CYP39A1: variants seen among roughly 807,000 people sequenced by gnomAD.
CYP39A1 encodes 24-hydroxycholesterol 7-alpha-hydroxylase.
Under a neutral mutation model 58.1 loss-of-function variants are expected in CYP39A1, and 49 were observed. That is an observed-to-expected ratio of 0.84 (90% CI 0.67 to 1.07). The LOEUF (loss-of-function observed/expected upper bound fraction) is 1.07, where lower values mean the gene tolerates loss of function less well. Ranked by LOEUF, CYP39A1 falls within the 50% of genes least tolerant of loss-of-function variation. CYP39A1 has a pLI of 0.00. For missense variants in CYP39A1, 531 were observed against 539.4 expected (o/e 0.98, Z 0.16); for synonymous variants, 209 against 187.6 (o/e 1.11, Z -0.93).
chr6:46,615,670 G>T (rs1774489462), intron 7 of CYP39A1, among the ~76,000 whole-genome samples: 1 of 151,458 alleles, frequency 6.6e-6, no homozygotes, highest in Admixed American at 6.6e-5. Context: ...GCTTTTTCCT[G>T]AATCTCTTCT....
At chr6:46,561,315 C>A (rs1260831192) in intron 10 of CYP39A1, among the ~76,000 whole-genome samples, 3 of 152,084 alleles carry the variant, frequency 2.0e-5, no homozygotes, top group African/African-American at 7.2e-5. Flanking sequence ...TGATTTCCAA[C>A]TTCTCTGAGT....
chr6:46,601,427 C>CTA lies in CYP39A1; in HGVS notation c.932-5308_932-5307insTA, dbSNP rs578069306. On this transcript the variant is annotated intron_variant, in intron 7 of 11. Transcript: ENST00000275016. ...GCTTCAATACCATTTAGAATTAAATCCAACATTCTCACTTTGGCAAATAAA... is the reference window on the plus strand; with the variant it reads ...GCTTCAATACCATTTAGAATTAAATCTACAACATTCTCACTTTGGCAAATAAA... Among the ~76,000 whole-genome samples the CTA allele has an allele frequency of 2.0e-3, 299 of 152,220 alleles. 1 individual carries two copies. Among genetic ancestry groups the CTA allele is most frequent in the African/African-American group, 7.1e-3 (293 of 41,538 alleles).
intron 8 of CYP39A1, among the ~76,000 whole-genome samples, chr6:46,589,690 C>A (rs1482541443): frequency 6.6e-6 from 1 of 152,006 alleles, no homozygotes; most frequent in South Asian, 2.1e-4. Flanking sequence ...TGTGAGATCC[C>A]AATCCTGTCT....
rs535536921 is a variant in CYP39A1 at position 46,607,058 on chromosome 6, A to G, written c.932-10938T>C. ...TGTTCAAGGAGACAAGCTTGAAAGT[A>G]TCAGAGCAGCCTTCAAACCTATGTC... On this transcript the variant is annotated intron_variant, in intron 7 of 11. Coordinates refer to ENST00000275016, the MANE Select transcript of CYP39A1 (RefSeq NM_016593.5). Among the ~76,000 whole-genome samples, 76 of 152,338 alleles carry G rather than the reference A, an allele frequency of 5.0e-4. 1 individual carries two copies. Among genetic ancestry groups the G allele is most frequent in the African/African-American group, 1.8e-3 (75 of 41,580 alleles).
At chr6:46,558,276 T>G (rs1378185752) in intron 10 of CYP39A1, among the ~76,000 whole-genome samples, 2 of 152,142 alleles carry the variant, frequency 1.3e-5, no homozygotes, top group Non-Finnish European at 2.9e-5. Flanking sequence ...GAGGTTTAAT[T>G]GACTCACAGT....
At chr6:46,649,715 C>A (rs1762546635) in intron 1 of CYP39A1, among the ~76,000 whole-genome samples, 1 of 151,954 alleles carries the variant, frequency 6.6e-6, no homozygotes, top group South Asian at 2.1e-4. Context: ...ATTACAGTTG[C>A]CAAGGTTGGG....
chr6:46,649,729 G>A (rs1334194942), intron 1 of CYP39A1, among the ~76,000 whole-genome samples: 1 of 152,208 alleles, frequency 6.6e-6, no homozygotes, highest in Non-Finnish European at 1.5e-5. Flanking sequence ...GGTTGGGAGT[G>A]AGGAGTGAGA....
At chr6:46,642,575 T>G (rs1776409330) in intron 1 of CYP39A1, among the ~76,000 whole-genome samples, 1 of 152,174 alleles carries the variant, frequency 6.6e-6, no homozygotes, top group Non-Finnish European at 1.5e-5. Context: ...ATAATAATTA[T>G]AAATAATTAG....
rs72868064 is a variant in CYP39A1 at position 46,585,932 on chromosome 6, C to T, written c.1250+1145G>A. Among the ~76,000 whole-genome samples the T allele has an allele frequency of 4.3e-3, 648 of 152,110 alleles. 2 individuals are homozygous for T. The highest frequency in any genetic ancestry group is 7.0e-3 in the Non-Finnish European group (479 of 67,988). On this transcript the variant is annotated intron_variant, in intron 10 of 11. Coordinates refer to ENST00000275016, the MANE Select transcript of CYP39A1 (RefSeq NM_016593.5). ...TTCATATCCAATGGGACAGGATGAACGGGGCCTCATCCTGAAGAAGTCTCT... is the reference window on the plus strand; with the variant it reads ...TTCATATCCAATGGGACAGGATGAATGGGGCCTCATCCTGAAGAAGTCTCT...
intron 10 of CYP39A1, among the ~76,000 whole-genome samples, chr6:46,566,718 T>A (rs1463436831): frequency 6.6e-6 from 1 of 152,086 alleles, no homozygotes; most frequent in African/African-American, 2.4e-5. Context: ...TTTAAGTACT[T>A]GCAAAATAGA....
chr6:46,608,602 GTTTTA>G (rs1051037776), intron 7 of CYP39A1, among the ~76,000 whole-genome samples: 13 of 151,716 alleles, frequency 8.6e-5, no homozygotes, highest in African/African-American at 2.9e-4. Context: ...TTCACAATAG[GTTTTA>G]TTTTATTTAT....
At chr6:46,613,704 GTTT>G (rs544125145) in intron 7 of CYP39A1, among the ~76,000 whole-genome samples, 1 of 143,144 alleles carries the variant, frequency 7.0e-6, no homozygotes, top group Non-Finnish European at 1.5e-5. Context: ...TTATTTGTTT[GTTT>G]TTTTTTTTAG....
At chr6:46,601,136 T>C (rs1351020353) in intron 7 of CYP39A1, among the ~76,000 whole-genome samples, 1 of 152,226 alleles carries the variant, frequency 6.6e-6, no homozygotes, top group East Asian at 1.9e-4. Context: ...GTCAGAAGTG[T>C]TGTGTGTAGA....
intron 7 of CYP39A1, among the ~76,000 whole-genome samples, chr6:46,619,588 A>C (rs1042925718): frequency 4.6e-5 from 7 of 152,092 alleles, no homozygotes; most frequent in African/African-American, 1.7e-4. Context: ...TCTGAAGAGG[A>C]GACATTCAAG....
At chr6:46,569,864 T>A (rs1406426042) in intron 10 of CYP39A1, among the ~76,000 whole-genome samples, 1 of 152,054 alleles carries the variant, frequency 6.6e-6, no homozygotes, top group African/African-American at 2.4e-5. Context: ...CTGACTTTTG[T>A]GTCAGGGTAA....
At chr6:46,619,909 T>C (rs779914670) in intron 7 of CYP39A1, among the ~76,000 whole-genome samples, 3 of 152,110 alleles carry the variant, frequency 2.0e-5, no homozygotes, top group Non-Finnish European at 4.4e-5. Flanking sequence ...TTAATCCACA[T>C]AAGCCTGGGA....
At chr6:46,603,182 T>C (rs1773623687) in intron 7 of CYP39A1, among the ~76,000 whole-genome samples, 1 of 152,228 alleles carries the variant, frequency 6.6e-6, no homozygotes, top group South Asian at 2.1e-4. Flanking sequence ...TGCTTGACTT[T>C]GTAAATGAAG....
rs571473379 is a variant in CYP39A1, at chr6:46,583,364, A to G, written c.1250+3713T>C. 1.2e-4 allele frequency: 118 copies of G among 985,396 alleles called. No individual in the cohort carries two copies. In the African/African-American group the frequency reaches 2.0e-3, roughly 16 times the overall value. The allele number at this position is 985,396 out of a possible 1,614,324, so 61.0% of individuals were successfully genotyped here. ...GCTTGTTGGTTTTGGTGTGTGTTCC[A>G]GGGGACAGGTATAGCAAGCACATCC... On this transcript the variant is annotated intron_variant, in intron 10 of 11. Transcript: ENST00000275016.
In CYP39A1 at chr6:46,609,272, G is replaced by A. The variant is rs552059124; in HGVS notation, c.932-13152C>T. On this transcript the variant is annotated intron_variant, in intron 7 of 11. Transcript: ENST00000275016. ...AAAAAAATTAGCCGGGCGTGGTGGC[G>A]GGTGCCTGTAGTTCCAGCTACTCGG... Among the ~76,000 whole-genome samples the A allele has an allele frequency of 4.0e-3, 600 of 151,844 alleles. 2 individuals are homozygous for A. The highest frequency in any genetic ancestry group is 6.6e-3 in the Non-Finnish European group (446 of 67,934).
Sources: gnomAD v4.1 joint callset for allele counts (sites outside exome capture counted in the v4.1 genomes callset) on GRCh38, gnomAD v4.1.1 for gene constraint, MANE v1.5 for transcripts, NCBI Gene and HGNC (gene_info 2026-07-23, HGNC 2026-07-21) for gene names.